The following MBNL1 variants were observed in gnomAD, a reference collection of about 807,000 sequenced individuals.
MBNL1 encodes muscleblind like splicing regulator 1.
In MBNL1, 8 loss-of-function variants were observed where a neutral mutation model predicts 42.2. The observed-to-expected ratio is 0.19, with a 90% CI of 0.11 to 0.34. The LOEUF (loss-of-function observed/expected upper bound fraction) is 0.34, where lower values mean the gene tolerates loss of function less well. Among genes scored for constraint, MBNL1 ranks in the 10% least tolerant of loss-of-function variants. The pLI, the probability that MBNL1 is intolerant of heterozygous loss-of-function variation, is 1.00. For synonymous variants in MBNL1, 169 were observed against 173.9 expected (o/e 0.97, Z 0.22); for missense variants, 309 against 495.3 (o/e 0.62, Z 3.57).
chr3:152,440,554 C>T (rs79660571), intron 4 of MBNL1, among the ~76,000 whole-genome samples: 5,076 of 152,202 alleles, frequency 0.033, 284 homozygotes, highest in African/African-American at 0.12. Context: ...TACCTCCCAC[C>T]GGGTCTGTCC....
chr3:152,281,899 G>A (rs1010399292), intron 1 of MBNL1, among the ~76,000 whole-genome samples: 8 of 152,050 alleles, frequency 5.3e-5, no homozygotes, highest in Non-Finnish European at 7.4e-5. Context: ...GGAGATTTCC[G>A]ATAAACTTTT....
chr3:152,394,896 A>G (rs369069125), intron 2 of MBNL1, among the ~76,000 whole-genome samples: 1 of 152,094 alleles, frequency 6.6e-6, no homozygotes, highest in East Asian at 1.9e-4. Flanking sequence ...GTCTCACTCT[A>G]TTGCCAGAGT....
At chr3:152,281,378 A>G (rs12107620) in intron 1 of MBNL1, among the ~76,000 whole-genome samples, 2 of 152,062 alleles carry the variant, frequency 1.3e-5, no homozygotes, top group Non-Finnish European at 2.9e-5. Flanking sequence ...ACCTACTCCA[A>G]GTTAATTCTG....
At chr3:152,349,261 C>G (rs776141392) in intron 2 of MBNL1, among the ~76,000 whole-genome samples, 5 of 151,900 alleles carry the variant, frequency 3.3e-5, no homozygotes, top group Non-Finnish European at 7.4e-5. Flanking sequence ...TATCTATTGC[C>G]TTTATCTTAG....
At chr3:152,440,948 G>A (rs2153817937) in intron 4 of MBNL1, among the ~76,000 whole-genome samples, 1 of 152,216 alleles carries the variant, frequency 6.6e-6, no homozygotes, top group Non-Finnish European at 1.5e-5. Context: ...TGAACATGTA[G>A]CTATATGTCT....
chr3:152,304,714 A>G (rs1202615558), intron 2 of MBNL1, among the ~76,000 whole-genome samples: 1 of 152,228 alleles, frequency 6.6e-6, no homozygotes, highest in Admixed American at 6.5e-5. Context: ...AAAGGTCCCT[A>G]AGGAGAAACT....
intron 5 of MBNL1, 73 bp downstream of exon 5, chr3:152,445,612 G>A (rs1048609607): frequency 6.8e-7 from 1 of 1,469,378 alleles, no homozygotes; most frequent in South Asian, 1.3e-5. Flanking sequence ...CTGACTACAA[G>A]CTATTCATTT....
At chr3:152,424,198 C>G (rs1371855935) in intron 3 of MBNL1, among the ~76,000 whole-genome samples, 2 of 152,196 alleles carry the variant, frequency 1.3e-5, no homozygotes, top group African/African-American at 4.8e-5. Context: ...CCCCAAAACT[C>G]CTTAAGCTGA....
chr3:152,293,589 G>A (rs534585271), intron 1 of MBNL1, among the ~76,000 whole-genome samples: 7 of 152,280 alleles, frequency 4.6e-5, no homozygotes, highest in African/African-American at 1.7e-4. Context: ...CTTACAGGGT[G>A]AAGTTAGCCA....
chr3:152,432,664 C>T (rs1379277287), intron 3 of MBNL1, 53 bp from the exon 4 acceptor site: 2 of 1,484,926 alleles, frequency 1.3e-6, no homozygotes, highest in African/African-American at 1.4e-5. Context: ...TTAAGAATAT[C>T]AACTTTGAGC....
At chr3:152,332,731 T>TGC (rs1394326121) in intron 2 of MBNL1, among the ~76,000 whole-genome samples, 8 of 134,062 alleles carry the variant, frequency 6.0e-5, no homozygotes, top group African/African-American at 1.5e-4. Context: ...TGTGTGTGTG[T>TGC]GTGTGTGTGC....
intron 2 of MBNL1, among the ~76,000 whole-genome samples, chr3:152,372,064 T>C (rs564431967): frequency 6.6e-6 from 1 of 152,366 alleles, no homozygotes; most frequent in South Asian, 2.1e-4. Context: ...CTTCAATCTC[T>C]GATATCCTTT....
intron 1 of MBNL1, among the ~76,000 whole-genome samples, chr3:152,272,846 A>G (rs1436795029): frequency 3.3e-5 from 5 of 152,176 alleles, no homozygotes; most frequent in Non-Finnish European, 5.9e-5. Context: ...CCTTTCAGAT[A>G]TTTTCATAAC....
intron 3 of MBNL1, among the ~76,000 whole-genome samples, chr3:152,429,244 G>A (rs551875380): frequency 6.6e-6 from 1 of 152,274 alleles, no homozygotes; most frequent in Admixed American, 6.5e-5. Flanking sequence ...TAGTTAACTG[G>A]GGTCATAATA....
chr3:152,404,388 A>G (rs995884133), intron 2 of MBNL1, among the ~76,000 whole-genome samples: 2 of 152,222 alleles, frequency 1.3e-5, no homozygotes, highest in Admixed American at 6.5e-5. Flanking sequence ...TGTTGGAAAC[A>G]TATTACATAA....
At chr3:152,249,916 A>T (rs960474359) in intron 2 of MBNL1, among the ~76,000 whole-genome samples, 5 of 148,560 alleles carry the variant, frequency 3.4e-5, no homozygotes, top group Admixed American at 6.8e-5. Flanking sequence ...TTTGTCAAAG[A>T]TCAGATAGTT....
At chr3:152,369,044 G>T (rs13066678) in intron 2 of MBNL1, among the ~76,000 whole-genome samples, 82,666 of 151,962 alleles carry the variant, frequency 0.54, 22,928 homozygotes, top group Middle Eastern at 0.63. Context: ...CCTCCAATGC[G>T]ATGCTGAATA....
rs1740308118 is a variant in MBNL1, at chr3:152,459,361, A to G, written c.*18+16A>G. ...TCACTAAACAGTAAGTTCATTATGT[A>G]ATATATAGTTGCATATTTGTGGTGG... On this transcript the variant is annotated intron_variant, in intron 9 of 9. Coordinates refer to ENST00000324210, the MANE Select transcript of MBNL1 (RefSeq NM_021038.5). The G allele has an allele frequency of 7.1e-7, 1 of 1,406,664 alleles. No individual in the cohort carries two copies. Among genetic ancestry groups the G allele is most frequent in the East Asian group, 2.4e-5 (1 of 41,350 alleles). 87.1% of individuals were successfully genotyped at this position (1,406,664 alleles called of 1,614,324 possible). A position where few individuals can be genotyped will look rare whatever the true frequency, so the allele number is the denominator to read the frequency against.
intron 3 of MBNL1, among the ~76,000 whole-genome samples, chr3:152,419,114 CTAATAT>C (rs1560517956): frequency 6.6e-6 from 1 of 151,742 alleles, no homozygotes; most frequent in Non-Finnish European, 1.5e-5. Context: ...ATTAATAAAA[CTAATAT>C]TATCAATTAT....
Sources: allele counts gnomAD v4.1 joint callset (sites outside exome capture counted in the v4.1 genomes callset), GRCh38; gene constraint gnomAD v4.1.1; transcripts MANE v1.5; gene names NCBI Gene and HGNC (gene_info 2026-07-23, HGNC 2026-07-21).